Variants in CHD2 observed in about 807,000 individuals in gnomAD.
The protein encoded by CHD2 is ATP-dependent chromatin remodeler CHD2.
A neutral mutation model predicts 243.9 loss-of-function variants in CHD2; 28 were observed. That is an observed-to-expected ratio of 0.11 (90% CI 0.09 to 0.16). The LOEUF (loss-of-function observed/expected upper bound fraction) is 0.16. Among genes scored for constraint, CHD2 ranks in the 10% least tolerant of loss-of-function variants. The probability of loss-of-function intolerance (pLI) is 1.00; values close to 1 mark genes in which losing one functional copy is unlikely to be tolerated. For synonymous variants in CHD2, 775 were observed against 779.0 expected, an observed-to-expected ratio of 0.99 and a Z score of 0.09; for missense variants, 1,386 against 2,209.8, an observed-to-expected ratio of 0.63 and a Z score of 7.47.
intron 24 of CHD2, among the ~76,000 whole-genome samples, chr15:92,982,099 G>C (rs986668125): frequency 6.6e-6 from 1 of 152,208 alleles, no homozygotes; most frequent in Non-Finnish European, 1.5e-5. Context: ...TTTGAGGAAA[G>C]AACTTGAGTA....
intron 5 of CHD2, among the ~76,000 whole-genome samples, chr15:92,933,483 T>A (rs185324616): frequency 2.0e-5 from 3 of 152,330 alleles, no homozygotes; most frequent in East Asian, 3.9e-4. Context: ...ACATTGAACT[T>A]TTTTTAACCA....
intron 13 of CHD2, among the ~76,000 whole-genome samples, chr15:92,952,060 A>G (rs1296343381): frequency 6.6e-6 from 1 of 152,202 alleles, no homozygotes; most frequent in Non-Finnish European, 1.5e-5. Context: ...ACCTTTTTAT[A>G]ATGTTTGCAA....
chr15:92,980,267 G>A (rs2053962813), intron 22 of CHD2, among the ~76,000 whole-genome samples: 1 of 145,394 alleles, frequency 6.9e-6, no homozygotes, highest in East Asian at 2.0e-4. Flanking sequence ...TTCCATGTTG[G>A]CCAGACTGGT....
intron 6 of CHD2, among the ~76,000 whole-genome samples, chr15:92,938,823 C>G (rs926115818): frequency 6.6e-6 from 1 of 152,180 alleles, no homozygotes; most frequent in African/African-American, 2.4e-5. Flanking sequence ...TAGACTGTGG[C>G]TTTCAATCCT....
intron 3 of CHD2, 96 bp from the exon 4 acceptor site, chr15:92,927,148 C>G: frequency 9.0e-6 from 8 of 892,236 alleles, no homozygotes; most frequent in Non-Finnish European, 1.2e-5. Flanking sequence ...CCTTTTGATA[C>G]TTGGTTACTT....
At chr15:92,937,734 G>T in intron 6 of CHD2, 109 bp downstream of exon 6, 1 of 766,154 alleles carries the variant, frequency 1.3e-6, no homozygotes, top group South Asian at 2.1e-5. Flanking sequence ...ATTGTGTTTT[G>T]ATTCTGCGTT....
chr15:92,924,070 G>T (rs1437416893), intron 2 of CHD2, among the ~76,000 whole-genome samples: 2 of 152,124 alleles, frequency 1.3e-5, no homozygotes, highest in Admixed American at 6.5e-5. Flanking sequence ...TTTCTGTCAA[G>T]AGCCTGTCCA....
intron 16 of CHD2, among the ~76,000 whole-genome samples, chr15:92,966,035 A>G (rs2053757673): frequency 6.6e-6 from 1 of 150,986 alleles, no homozygotes; most frequent in Admixed American, 6.6e-5. Flanking sequence ...GCATTGAGAT[A>G]GTTCAGTTTT....
intron 34 of CHD2, 89 bp from the exon 35 acceptor site, chr15:93,009,056 G>A (rs2054358406): frequency 1.4e-6 from 2 of 1,385,490 alleles, no homozygotes; most frequent in South Asian, 1.4e-5. Flanking sequence ...ATAGGGGTGG[G>A]CTGTGTTTTC....
At chr15:92,936,898 G>T (rs1360729926) in intron 5 of CHD2, among the ~76,000 whole-genome samples, 2 of 152,012 alleles carry the variant, frequency 1.3e-5, no homozygotes, top group African/African-American at 4.8e-5. Context: ...ACCGCCTAGG[G>T]TGGAGTACAG....
At chr15:92,950,546 T>C (rs1203369005) in intron 13 of CHD2, 1 of 152,100 alleles carries the variant, frequency 6.6e-6, no homozygotes, top group Non-Finnish European at 1.5e-5. Context: ...TTATTTAGAA[T>C]TAGAAGTACA....
At chr15:93,023,991 CACTT>C in intron 38 of CHD2, among the ~76,000 whole-genome samples, 1 of 151,786 alleles carries the variant, frequency 6.6e-6, no homozygotes, top group Middle Eastern at 3.4e-3. Flanking sequence ...ACTAGTCACT[CACTT>C]GTTGCATATT....
At chr15:92,908,082 T>G (rs1167945391) in intron 2 of CHD2, among the ~76,000 whole-genome samples, 1 of 150,784 alleles carries the variant, frequency 6.6e-6, no homozygotes, top group African/African-American at 2.4e-5. Flanking sequence ...TACAACAGCT[T>G]CTTGTGTGAA....
chr15:92,985,809 G>C, intron 26 of CHD2, 136 bp downstream of exon 26: 1 of 765,884 alleles, frequency 1.3e-6, no homozygotes, highest in Non-Finnish European at 2.0e-6. Flanking sequence ...GCTGGGTCCT[G>C]TCCCAGATCT....
At chr15:92,941,209 G>A (rs946674231) in intron 7 of CHD2, among the ~76,000 whole-genome samples, 63 of 151,464 alleles carry the variant, frequency 4.2e-4, no homozygotes, top group African/African-American at 1.4e-3. Flanking sequence ...GGCCAGGCTG[G>A]TTTCTAACTC....
intron 35 of CHD2, among the ~76,000 whole-genome samples, chr15:93,009,914 A>G (rs2141882399): frequency 6.6e-6 from 1 of 152,348 alleles, no homozygotes; most frequent in African/African-American, 2.4e-5. Flanking sequence ...TTAGGGAAAC[A>G]GGTGGTGTTT....
chr15:92,901,854 T>G (rs2052533311), intron 2 of CHD2: 5 of 271,088 alleles, frequency 1.8e-5, no homozygotes, highest in Non-Finnish European at 3.4e-5. Context: ...GTTTATATTT[T>G]TATGTGACTT....
chr15:93,004,064 C>T (rs1488951981), intron 33 of CHD2, among the ~76,000 whole-genome samples: 2 of 146,420 alleles, frequency 1.4e-5, no homozygotes, highest in African/African-American at 2.6e-5. Flanking sequence ...GCAGAGGTTG[C>T]AGTGAGCCGA....
chr15:92,923,327 C>T (rs2052995043), intron 2 of CHD2, among the ~76,000 whole-genome samples: 1 of 152,122 alleles, frequency 6.6e-6, no homozygotes, highest in Admixed American at 6.5e-5. Context: ...GTGGCGTAAT[C>T]ATGGCTCACT....
Sources: allele counts gnomAD v4.1 joint callset (sites outside exome capture counted in the v4.1 genomes callset), GRCh38; gene constraint gnomAD v4.1.1; transcripts MANE v1.5; gene names NCBI Gene and HGNC (gene_info 2026-07-23, HGNC 2026-07-21).